PDYN: variants seen among roughly 807,000 people sequenced by gnomAD.
The protein encoded by PDYN is prodynorphin, also known as proenkephalin-B.
A neutral mutation model predicts 11.4 loss-of-function variants in PDYN; 5 were observed. That is an observed-to-expected ratio of 0.44 (90% CI 0.23 to 0.92). PDYN has a LOEUF of 0.92. Ranked by LOEUF, PDYN falls within the 40% of genes least tolerant of loss-of-function variation. The pLI is 0.24. For synonymous variants in PDYN, 132 were observed against 129.5 expected (o/e 1.02, Z -0.13); for missense variants, 337 against 317.3 (o/e 1.06, Z -0.47).
intron 2 of PDYN, among the ~76,000 whole-genome samples, chr20:1,987,804 C>T (rs1223959004): frequency 1.3e-5 from 2 of 152,308 alleles, no homozygotes; most frequent in East Asian, 3.9e-4. Flanking sequence ...AGAGGGTGGA[C>T]ATAGGAACTA....
chr20:1,983,532 C>A (rs760179033), intron 2 of PDYN, among the ~76,000 whole-genome samples: 1 of 152,206 alleles, frequency 6.6e-6, no homozygotes, highest in Non-Finnish European at 1.5e-5. Context: ...AAATGCTTTT[C>A]TGAGTTCTCT....
intron 2 of PDYN, among the ~76,000 whole-genome samples, chr20:1,991,766 C>A (rs548030659): frequency 1.3e-5 from 2 of 152,084 alleles, no homozygotes; most frequent in Non-Finnish European, 2.9e-5. Context: ...CTAATAAATA[C>A]GACAATTGTG....
chr20:1,983,629 T>C (rs1173462195), intron 2 of PDYN, among the ~76,000 whole-genome samples: 1 of 152,208 alleles, frequency 6.6e-6, no homozygotes, highest in African/African-American at 2.4e-5. Context: ...CCCACTCTGG[T>C]ACTGTCACTG....
At chr20:1,981,931 A>ATAAAT (rs1987830823) in intron 3 of PDYN, among the ~76,000 whole-genome samples, 44 of 143,658 alleles carry the variant, frequency 3.1e-4, no homozygotes, top group African/African-American at 1.0e-3. Context: ...GTCTCAAACA[A>ATAAAT]AAATAAATAA....
At position 1,993,964 on chromosome 20, in the gene PDYN, A is replaced by T. The variant is rs1988559496; in HGVS notation, c.-133T>A. The T allele has an allele frequency of 6.5e-6, 1 of 153,654 alleles. No individual in the cohort carries two copies. Among genetic ancestry groups the T allele is most frequent in the African/African-American group, 2.4e-5 (1 of 41,466 alleles). The allele number at this position is 153,654 out of a possible 1,614,324, so 9.5% of individuals were successfully genotyped here. A position where few individuals can be genotyped will look rare whatever the true frequency, so the allele number is the denominator to read the frequency against. ...TCTGGCCGAGCAGGTCGGAGGTGGC[A>T]GTGGCTGGTCCAAGGCTCAGGGGCC... On this transcript the variant is annotated 5_prime_UTR_variant, in exon 1 of 4. Coordinates refer to ENST00000217305, the MANE Select transcript of PDYN (RefSeq NM_024411.5).
rs540935752 is a variant in PDYN, at chr20:1,982,113, C to T, written c.129+843G>A. Among the ~76,000 whole-genome samples, 80 of 148,192 alleles carry T rather than the reference C, an allele frequency of 5.4e-4. 2 individuals carry two copies. Among genetic ancestry groups the T allele is most frequent in the African/African-American group, 1.7e-3 (69 of 40,098 alleles). ...CTCTACTAAAAATACAAAAATTAGC[C>T]GGGTGTGGTGGTGGGTGCCCATAGT... is the stretch of plus-strand genomic sequence containing the variant. On this transcript the variant is annotated intron_variant, in intron 3 of 3. Transcript: ENST00000217305.
intron 2 of PDYN, 64 bp from the exon 3 acceptor site, chr20:1,983,167 GC>G: frequency 7.1e-7 from 1 of 1,409,238 alleles, no homozygotes; most frequent in South Asian, 1.2e-5. Flanking sequence ...TGTGTTCTGA[GC>G]CCACAAAGTC....
chr20:1,991,853 A>T (rs1318553844), intron 2 of PDYN, among the ~76,000 whole-genome samples: 1 of 152,176 alleles, frequency 6.6e-6, no homozygotes, highest in African/African-American at 2.4e-5. Flanking sequence ...CATGATCCTG[A>T]TGCAGCAGAT....
Position 1,980,576 on chromosome 20 carries a change from T to C in PDYN, c.512A>G (p.Gln171Arg). 1.9e-6 allele frequency: 3 copies of C among 1,614,150 alleles called. No homozygotes were observed. Among genetic ancestry groups the C allele is most frequent in the Non-Finnish European group, 2.5e-6 (3 of 1,180,012 alleles). Reference protein sequence around the residue: ...LYLAEEDPKEQVKRYGGFLRK... With the variant: ...LYLAEEDPKERVKRYGGFLRK... The stretch of plus-strand genomic sequence containing the variant: ...CAAAAAGCCCCCATAGCGTTTGACC[T>C]GCTCCTTGGGGTCCTCCTCAGCGAG... Residue 171 changes from glutamine to arginine, a missense_variant, in exon 4 of 4, where the codon CAG becomes CGG. Coordinates refer to ENST00000217305, the MANE Select transcript of PDYN (RefSeq NM_024411.5).
At position 1,990,784 on chromosome 20, in the gene PDYN, T is replaced by A. The variant is rs115459256; in HGVS notation, c.-20+1800A>T. Among the ~76,000 whole-genome samples, 430 of 148,198 alleles carry A rather than the reference T, an allele frequency of 2.9e-3. 5 individuals carry two copies. The highest frequency in any genetic ancestry group is 0.01 in the African/African-American group (417 of 40,152). On this transcript the variant is annotated intron_variant, in intron 2 of 3. Transcript: ENST00000217305. ...AAAAAGAGGATAAGCTAGAGAGATA[T>A]GGAGATGAAGAGACATAGAGAGAGA... is the stretch of plus-strand genomic sequence containing the variant.
chr20:1,985,012 C>T (rs59179341), intron 2 of PDYN, among the ~76,000 whole-genome samples: 7,448 of 152,206 alleles, frequency 0.049, 435 homozygotes, highest in African/African-American at 0.14. Context: ...ACTGGATCCT[C>T]TAAGACACTC....
intron 2 of PDYN, among the ~76,000 whole-genome samples, chr20:1,988,032 G>C (rs1988268014): frequency 6.6e-6 from 1 of 152,206 alleles, no homozygotes; most frequent in South Asian, 2.1e-4. Flanking sequence ...CGGAGGGCCT[G>C]CTGGGTGTTG....
intron 3 of PDYN, 122 bp downstream of exon 3, chr20:1,982,834 T>C (rs1019099149): frequency 2.4e-5 from 25 of 1,059,848 alleles, no homozygotes; most frequent in Non-Finnish European, 3.2e-5. Context: ...CCCACCACCC[T>C]GCACAGGTGG....
intron 2 of PDYN, among the ~76,000 whole-genome samples, chr20:1,989,014 A>C (rs1050065043): frequency 6.6e-6 from 1 of 152,240 alleles, no homozygotes; most frequent in African/African-American, 2.4e-5. Context: ...CTGTAGGGCC[A>C]AGAAAGCCCA....
chr20:1,992,971 A>G (rs899875277), intron 1 of PDYN, among the ~76,000 whole-genome samples: 2 of 151,620 alleles, frequency 1.3e-5, no homozygotes, highest in African/African-American at 4.9e-5. Flanking sequence ...TAATGTTTGT[A>G]GAGCTTGGAG....
In PDYN at chr20:1,980,726, G is replaced by A; in HGVS notation, c.362C>T (p.Thr121Ile). Residue 121 changes from threonine to isoleucine, a missense_variant, in exon 4 of 4, where the codon ACT becomes ATT. Coordinates refer to ENST00000217305, the MANE Select transcript of PDYN (RefSeq NM_024411.5). Reference sequence around the variant, plus strand: ...CTTCTCCTCCAGGCTCTTGCTCAGAGTGTTCTCCTTTGTTGAGATACTTGG... The same window carrying A: ...CTTCTCCTCCAGGCTCTTGCTCAGAATGTTCTCCTTTGTTGAGATACTTGG... ...FLPSISTKEN[T>I]LSKSLEEKLR... The A allele has an allele frequency of 6.2e-7, 1 of 1,614,190 alleles. No individual in the cohort carries two copies. The highest frequency in any genetic ancestry group is 8.5e-7 in the Non-Finnish European group (1 of 1,180,030).
rs571785435 is a variant in PDYN, at chr20:1,990,797, A to G, written c.-20+1787T>C. On this transcript the variant is annotated intron_variant, in intron 2 of 3. Coordinates refer to ENST00000217305, the MANE Select transcript of PDYN (RefSeq NM_024411.5). ...GCTAGAGAGATATGGAGATGAAGAG[A>G]CATAGAGAGAGAGATGTAAAAAGAG... Among the ~76,000 whole-genome samples, 157 of 152,168 alleles carry G rather than the reference A, an allele frequency of 1.0e-3. 1 individual carries two copies. Among genetic ancestry groups the G allele is most frequent in the African/African-American group, 3.6e-3 (149 of 41,498 alleles).
intron 2 of PDYN, among the ~76,000 whole-genome samples, chr20:1,990,369 C>T (rs1988380102): frequency 6.6e-6 from 1 of 152,212 alleles, no homozygotes; most frequent in Non-Finnish European, 1.5e-5. Context: ...GAAGCTTTTG[C>T]CCCACACTCG....
At chr20:1,987,456 T>A (rs969748178) in intron 2 of PDYN, among the ~76,000 whole-genome samples, 1 of 152,222 alleles carries the variant, frequency 6.6e-6, no homozygotes, top group African/African-American at 2.4e-5. Flanking sequence ...TATTCCAATA[T>A]GGCAACAGTC....
Sources: allele counts gnomAD v4.1 joint callset (sites outside exome capture counted in the v4.1 genomes callset), GRCh38; gene constraint gnomAD v4.1.1; transcripts MANE v1.5; gene names NCBI Gene and HGNC (gene_info 2026-07-23, HGNC 2026-07-21).